ADD1: variants seen among roughly 807,000 people sequenced by gnomAD.
The protein encoded by ADD1 is adducin 1.
In ADD1, 24 loss-of-function variants were observed where a neutral mutation model predicts 80.5. The observed-to-expected ratio is 0.30, with a 90% confidence interval of 0.22 to 0.42. ADD1 has a LOEUF of 0.42. Ranked by LOEUF, ADD1 falls within the 10% of genes least tolerant of loss-of-function variation. ADD1 has a pLI of 1.00. For missense variants in ADD1, 948 were observed against 1,019.0 expected (o/e 0.93, Z 0.95); for synonymous variants, 373 against 393.8 (o/e 0.95, Z 0.63).
At chr4:2,889,211 G>T (rs1303183205) in intron 4 of ADD1, among the ~76,000 whole-genome samples, 3 of 152,212 alleles carry the variant, frequency 2.0e-5, no homozygotes, top group African/African-American at 4.8e-5. Context: ...ACATGCTGTA[G>T]TCGGCATTGC....
chr4:2,892,721 G>A (rs1405412862), intron 4 of ADD1, among the ~76,000 whole-genome samples: 1 of 152,008 alleles, frequency 6.6e-6, no homozygotes, highest in Non-Finnish European at 1.5e-5. Context: ...TGTAGTCCCA[G>A]CTACTCAGGA....
At chr4:2,852,189 T>TCTTTCTTTCTTTCTTTCTTTC (rs1553815101) in intron 1 of ADD1, among the ~76,000 whole-genome samples, 6 of 50,826 alleles carry the variant, frequency 1.2e-4, no homozygotes, top group Admixed American at 2.2e-4. Flanking sequence ...TTTCTTTCTT[T>TCTTTCTTTCTTTCTTTCTTTC]CTTTCTTTCC....
chr4:2,889,738 C>T (rs1330633857), intron 4 of ADD1, among the ~76,000 whole-genome samples: 2 of 152,066 alleles, frequency 1.3e-5, no homozygotes, highest in Non-Finnish European at 2.9e-5. Context: ...AGGAGAATTG[C>T]TTGAACCCTA....
At chr4:2,870,524 G>A (rs545038152) in intron 1 of ADD1, among the ~76,000 whole-genome samples, 3 of 152,060 alleles carry the variant, frequency 2.0e-5, no homozygotes, top group South Asian at 4.2e-4. Context: ...TTTCTTCAAT[G>A]CCATTTAGCA....
At chr4:2,908,245 C>T (rs1019503976) in intron 11 of ADD1, among the ~76,000 whole-genome samples, 2 of 152,240 alleles carry the variant, frequency 1.3e-5, no homozygotes, top group Non-Finnish European at 1.5e-5. Flanking sequence ...GTGTTTCCCC[C>T]AAGTTAATGA....
intron 1 of ADD1, chr4:2,854,906 C>T (rs1264120274): frequency 6.6e-6 from 1 of 152,188 alleles, no homozygotes; most frequent in Non-Finnish European, 1.5e-5. Flanking sequence ...ATCAAGGTGT[C>T]ACTAGGGCTG....
At position 2,928,154 on chromosome 4, in the gene ADD1, C is replaced by T; in HGVS notation, c.2048-17C>T. The T allele has an allele frequency of 6.2e-7, 1 of 1,612,122 alleles. No homozygotes were observed. Among genetic ancestry groups the T allele is most frequent in the Non-Finnish European group, 8.5e-7 (1 of 1,178,736 alleles). On this transcript the variant is annotated splice_polypyrimidine_tract_variant and intron_variant, in intron 15 of 15. Coordinates refer to ENST00000683351, the MANE Select transcript of ADD1 (RefSeq NM_001354761.2). ...TGGGCAGGAACCCTTAATCCCATCT[C>T]TCACCTCACCCACTAGACCTTGTGC...
At chr4:2,862,787 C>A (rs1728998135) in intron 1 of ADD1, among the ~76,000 whole-genome samples, 5 of 152,192 alleles carry the variant, frequency 3.3e-5, no homozygotes, top group Admixed American at 3.3e-4. Context: ...GGCTTCCCTG[C>A]AGGAATGTAA....
intron 11 of ADD1, 25 bp from the exon 12 acceptor site, chr4:2,908,490 G>A: frequency 1.2e-6 from 2 of 1,604,074 alleles, no homozygotes; most frequent in East Asian, 2.2e-5. Flanking sequence ...GACTGTTGAT[G>A]TGTGCCTCTC....
chr4:2,848,943 C>T (rs182506348), intron 1 of ADD1, among the ~76,000 whole-genome samples: 125 of 152,302 alleles, frequency 8.2e-4, no homozygotes, highest in Non-Finnish European at 9.4e-4. Flanking sequence ...ACCCTCCTGG[C>T]CCCAATTAAT....
chr4:2,911,349 T>C (rs1737984753), intron 13 of ADD1, among the ~76,000 whole-genome samples: 1 of 151,968 alleles, frequency 6.6e-6, no homozygotes. Context: ...GGAACAGTAA[T>C]CACAGTTCAA....
intron 10 of ADD1, chr4:2,905,434 T>C (rs960169991): frequency 3.1e-6 from 1 of 323,374 alleles, no homozygotes; most frequent in Non-Finnish European, 5.7e-6. Context: ...TCAGGGACTC[T>C]TAATACTTCA....
chr4:2,861,606 G>A (rs932605729), intron 1 of ADD1, among the ~76,000 whole-genome samples: 1 of 152,166 alleles, frequency 6.6e-6, no homozygotes, highest in African/African-American at 2.4e-5. Context: ...GCCCATTAGT[G>A]TATATAAATC....
chr4:2,908,777 TAGA>T, intron 12 of ADD1, 173 bp downstream of exon 12: 1 of 628,466 alleles, frequency 1.6e-6, no homozygotes, highest in Non-Finnish European at 2.8e-6. Context: ...CGTTGAGTTC[TAGA>T]AGGAGCGAGC....
At position 2,929,542 on chromosome 4, in the gene ADD1, G is replaced by A. The variant is rs1376676437; in HGVS notation, c.*1019G>A. On this transcript the variant is annotated 3_prime_UTR_variant, in exon 16 of 16. Coordinates refer to ENST00000683351, the MANE Select transcript of ADD1 (RefSeq NM_001354761.2). ...TGTTGTTACTTCCCTCCAAGAGGCT[G>A]GAAAAGGGCTCAGAGCTGCTGAGCA... The A allele has an allele frequency of 6.6e-6, 1 of 152,296 alleles. No homozygotes were observed. The highest frequency in any genetic ancestry group is 1.5e-5 in the Non-Finnish European group (1 of 68,094). The allele number at this position is 152,296 out of a possible 1,614,324, so 9.4% of individuals were successfully genotyped here. A position where few individuals can be genotyped will look rare whatever the true frequency, so the allele number is the denominator to read the frequency against.
chr4:2,868,744 A>G (rs766297421), intron 1 of ADD1, among the ~76,000 whole-genome samples: 19 of 152,118 alleles, frequency 1.2e-4, no homozygotes, highest in Admixed American at 2.0e-4. Context: ...CAGATAATTT[A>G]TCCGCATATG....
rs36017898 is a variant in ADD1 at position 2,906,982 on chromosome 4, T to C, written c.1507-761T>C. Reference sequence around the variant, plus strand: ...TCATGCCTTAGAATTTGATTAAAAATCTCAGATTTGATTGGAGATCCAAAA... The same window carrying C: ...TCATGCCTTAGAATTTGATTAAAAACCTCAGATTTGATTGGAGATCCAAAA... On this transcript the variant is annotated intron_variant, in intron 10 of 15. Transcript: ENST00000683351. 6.9e-3 allele frequency among the ~76,000 whole-genome samples: 1,052 copies of C among 152,228 alleles called. 7 individuals carry two copies. Among genetic ancestry groups the C allele is most frequent in the African/African-American group, 0.024 (986 of 41,516 alleles).
In ADD1 at chr4:2,905,006, G is replaced by A. The variant is rs770710187; in HGVS notation, c.1404G>A (p.Ser468=). The part of the protein sequence containing the change: ...EEGQNGSSPK[S]KTKVWTNITH... ...GGCAGAATGGAAGCAGTCCCAAGTC[G>A]AAGACTAAGGTGTGGACGAACATTA... Residue 468 remains serine (S), a synonymous_variant, in exon 10 of 16, where the codon TCG becomes TCA. Coordinates refer to ENST00000683351, the MANE Select transcript of ADD1 (RefSeq NM_001354761.2). 1 of 1,614,200 alleles carries A rather than the reference G, an allele frequency of 6.2e-7. No homozygotes were observed. The highest frequency in any genetic ancestry group is 1.3e-5 in the African/African-American group (1 of 75,046).
chr4:2,888,661 G>A (rs555095119), intron 4 of ADD1, among the ~76,000 whole-genome samples: 3 of 151,602 alleles, frequency 2.0e-5, no homozygotes, highest in South Asian at 4.2e-4. Context: ...CAAGTGATCC[G>A]CCCACCTCAG....
Sources: gnomAD v4.1 joint callset for allele counts (sites outside exome capture counted in the v4.1 genomes callset) on GRCh38, gnomAD v4.1.1 for gene constraint, MANE v1.5 for transcripts, NCBI Gene and HGNC (gene_info 2026-07-23, HGNC 2026-07-21) for gene names.